The following LRMDA variants were observed in gnomAD, a reference collection of about 807,000 sequenced individuals.
LRMDA encodes the protein leucine-rich melanocyte differentiation-associated protein.
A neutral mutation model predicts 29.8 loss-of-function variants in LRMDA; 18 were observed. That is an observed-to-expected ratio of 0.60 (90% CI 0.42 to 0.90). The LOEUF (loss-of-function observed/expected upper bound fraction) is 0.90. Among genes scored for constraint, LRMDA ranks in the 40% least tolerant of loss-of-function variants. The pLI is 0.00. For missense variants in LRMDA, 273 were observed against 273.9 expected (o/e 1.00, Z 0.02); for synonymous variants, 125 against 109.4 (o/e 1.14, Z -0.89).
chr10:76,273,975 G>C (rs182405440), intron 5 of LRMDA, among the ~76,000 whole-genome samples: 1 of 151,982 alleles, frequency 6.6e-6, no homozygotes, highest in Non-Finnish European at 1.5e-5. Flanking sequence ...TTTTTAGACA[G>C]AGCAGGATTT....
chr10:75,910,068 A>G (rs1043239984), intron 2 of LRMDA, among the ~76,000 whole-genome samples: 8 of 152,248 alleles, frequency 5.3e-5, no homozygotes, highest in Non-Finnish European at 1.2e-4. Flanking sequence ...AGAGAAATGT[A>G]TCATAGGAGA....
intron 2 of LRMDA, among the ~76,000 whole-genome samples, chr10:75,912,846 A>G (rs529675502): frequency 9.2e-4 from 140 of 152,276 alleles, no homozygotes; most frequent in African/African-American, 3.2e-3. Context: ...CTTATCCTCT[A>G]ATTGCTGGGG....
At chr10:75,967,134 C>T (rs145905817) in intron 2 of LRMDA, among the ~76,000 whole-genome samples, 9 of 152,280 alleles carry the variant, frequency 5.9e-5, no homozygotes, top group South Asian at 4.2e-4. Context: ...AGGTTTTGTG[C>T]GGTAGAGCTG....
chr10:75,552,609 G>A, intron 2 of LRMDA: 1 of 433,722 alleles, frequency 2.3e-6, no homozygotes, highest in South Asian at 1.7e-5. Flanking sequence ...ACTGTGGTTT[G>A]CTCTTTTTAA....
At chr10:76,239,148 A>G (rs891317108) in intron 5 of LRMDA, among the ~76,000 whole-genome samples, 4 of 152,138 alleles carry the variant, frequency 2.6e-5, no homozygotes, top group Non-Finnish European at 5.9e-5. Flanking sequence ...CAGAGGGAGC[A>G]TGGTTCACTC....
intron 2 of LRMDA, among the ~76,000 whole-genome samples, chr10:75,917,859 C>T (rs1362002741): frequency 4.6e-5 from 7 of 152,174 alleles, no homozygotes; most frequent in East Asian, 1.9e-4. Flanking sequence ...GTACGTACCC[C>T]GCCTTGGTAC....
chr10:75,847,920 G>T (rs1455687753), intron 2 of LRMDA, among the ~76,000 whole-genome samples: 1 of 152,198 alleles, frequency 6.6e-6, no homozygotes, highest in East Asian at 1.9e-4. Flanking sequence ...AACCTGTACT[G>T]CTAAGGATAT....
At chr10:76,260,139 T>C (rs982417803) in intron 5 of LRMDA, among the ~76,000 whole-genome samples, 3 of 152,138 alleles carry the variant, frequency 2.0e-5, no homozygotes, top group African/African-American at 7.2e-5. Flanking sequence ...TTCCTGGTTG[T>C]TTGGTATATT....
intron 2 of LRMDA, among the ~76,000 whole-genome samples, chr10:75,507,535 G>A (rs1449344017): frequency 2.6e-5 from 4 of 152,204 alleles, no homozygotes; most frequent in Non-Finnish European, 4.4e-5. Flanking sequence ...GACAGGCAGG[G>A]AACCTCACTT....
chr10:75,606,373 G>C (rs1840956683), intron 2 of LRMDA, among the ~76,000 whole-genome samples: 1 of 152,168 alleles, frequency 6.6e-6, no homozygotes, highest in Non-Finnish European at 1.5e-5. Flanking sequence ...CTCCTGTAAT[G>C]CCTTTAAAAC....
chr10:76,306,440 A>C (rs1372989091), intron 5 of LRMDA, among the ~76,000 whole-genome samples: 1 of 152,198 alleles, frequency 6.6e-6, no homozygotes, highest in African/African-American at 2.4e-5. Context: ...ATGAAACTCA[A>C]GTGTAGCAGC....
At chr10:75,485,058 T>G (rs2132056151) in intron 2 of LRMDA, among the ~76,000 whole-genome samples, 1 of 152,358 alleles carries the variant, frequency 6.6e-6, no homozygotes, top group Admixed American at 6.5e-5. Context: ...TAGGTAAAAC[T>G]TACCTGTAAA....
chr10:76,483,879 A>G (rs1326947436), intron 6 of LRMDA, among the ~76,000 whole-genome samples: 2 of 151,870 alleles, frequency 1.3e-5, no homozygotes, highest in African/African-American at 4.8e-5. Context: ...ATTCATCACA[A>G]TTTATTGGAA....
chr10:75,621,168 C>A (rs112607046), intron 2 of LRMDA, among the ~76,000 whole-genome samples: 2,000 of 151,312 alleles, frequency 0.013, 47 homozygotes, highest in African/African-American at 0.046. Flanking sequence ...ACCATTATTT[C>A]GTTCCTTTTT....
At chr10:76,157,451 A>AT (rs2132173101) in intron 5 of LRMDA, among the ~76,000 whole-genome samples, 1 of 152,158 alleles carries the variant, frequency 6.6e-6, no homozygotes, top group Admixed American at 6.6e-5. Flanking sequence ...TTGCCAAAAA[A>AT]GTTTTTTAAA....
intron 2 of LRMDA, among the ~76,000 whole-genome samples, chr10:75,833,963 G>A (rs796608948): frequency 2.6e-5 from 4 of 152,258 alleles, no homozygotes; most frequent in Non-Finnish European, 4.4e-5. Context: ...TTGAGGACCT[G>A]CGCTCTGGAT....
intron 2 of LRMDA, among the ~76,000 whole-genome samples, chr10:75,502,021 CTG>C (rs1311173906): frequency 6.6e-6 from 1 of 152,128 alleles, no homozygotes; most frequent in African/African-American, 2.4e-5. Flanking sequence ...AGGAGGGGAA[CTG>C]TGTGTCCTGC....
At chr10:75,590,560 G>A (rs1373194302) in intron 2 of LRMDA, among the ~76,000 whole-genome samples, 1 of 152,120 alleles carries the variant, frequency 6.6e-6, no homozygotes, top group Non-Finnish European at 1.5e-5. Context: ...GCGGGACATG[G>A]AAGAGGAGTG....
At chr10:76,352,338 G>C (rs1191927256) in intron 6 of LRMDA, among the ~76,000 whole-genome samples, 1 of 152,108 alleles carries the variant, frequency 6.6e-6, no homozygotes. Flanking sequence ...ACAATTATAA[G>C]AATATTCCAG....
Sources: gnomAD v4.1 joint callset for allele counts (sites outside exome capture counted in the v4.1 genomes callset) on GRCh38, gnomAD v4.1.1 for gene constraint, MANE v1.5 for transcripts, NCBI Gene and HGNC (gene_info 2026-07-23, HGNC 2026-07-21) for gene names.